PPP2R2C: variants seen among roughly 807,000 people sequenced by gnomAD.
The protein encoded by PPP2R2C is protein phosphatase 2 regulatory subunit Bgamma, also known as protein phosphatase 2, regulatory subunit B, gamma.
In PPP2R2C, 10 loss-of-function variants were observed where a neutral mutation model predicts 45.3. That is an observed-to-expected ratio of 0.22 (90% CI 0.14 to 0.37). PPP2R2C has a LOEUF of 0.37. Among genes scored for constraint, PPP2R2C ranks in the 10% least tolerant of loss-of-function variants. The pLI is 1.00. For synonymous variants in PPP2R2C, 257 were observed against 245.4 expected (o/e 1.05, Z -0.44); for missense variants, 308 against 619.7 (o/e 0.50, Z 5.34).
intron 1 of PPP2R2C, among the ~76,000 whole-genome samples, chr4:6,393,429 T>C (rs1208013506): frequency 6.6e-6 from 1 of 152,258 alleles, no homozygotes; most frequent in Non-Finnish European, 1.5e-5. Flanking sequence ...CAGTACATCA[T>C]TCCTTTTCCA....
intron 1 of PPP2R2C, among the ~76,000 whole-genome samples, chr4:6,399,471 C>A (rs7671369): frequency 6.6e-6 from 1 of 152,112 alleles, no homozygotes; most frequent in Non-Finnish European, 1.5e-5. Context: ...CACAAGTTCA[C>A]CCATCCAGAT....
chr4:6,458,345 A>G (rs1721149032), intron 1 of PPP2R2C, among the ~76,000 whole-genome samples: 1 of 152,220 alleles, frequency 6.6e-6, no homozygotes, highest in Non-Finnish European at 1.5e-5. Flanking sequence ...CTGGAAGTCC[A>G]AGATCAAGGC....
chr4:6,384,103 C>A, intron 1 of PPP2R2C: 4 of 985,432 alleles, frequency 4.1e-6, no homozygotes, highest in Non-Finnish European at 4.8e-6. Flanking sequence ...GGGTCAGGTC[C>A]CAGCTGTCCT....
intron 2 of PPP2R2C, among the ~76,000 whole-genome samples, chr4:6,511,516 G>A (rs1353406153): frequency 1.2e-3 from 21 of 18,024 alleles, no homozygotes; most frequent in African/African-American, 2.1e-3. Flanking sequence ...GGTGGTGGTG[G>A]TGGTGGTGAT....
chr4:6,405,718 GACA>G (rs1717751132), intron 1 of PPP2R2C, among the ~76,000 whole-genome samples: 2 of 152,264 alleles, frequency 1.3e-5, no homozygotes, highest in Admixed American at 1.3e-4. Context: ...ATGCTGACAT[GACA>G]ACATCACGAA....
intron 1 of PPP2R2C, among the ~76,000 whole-genome samples, chr4:6,540,393 G>A (rs566494651): frequency 1.1e-4 from 16 of 152,178 alleles, no homozygotes; most frequent in South Asian, 2.1e-4. Context: ...ATGTTGTAGC[G>A]TGTGGCAGGG....
chr4:6,405,839 G>A (rs564539000), intron 1 of PPP2R2C, among the ~76,000 whole-genome samples: 4 of 152,178 alleles, frequency 2.6e-5, no homozygotes, highest in Non-Finnish European at 5.9e-5. Flanking sequence ...ACGGCTTCGC[G>A]GAGGGGCAGG....
At chr4:6,494,316 T>C (rs988383527) in intron 2 of PPP2R2C, among the ~76,000 whole-genome samples, 29 of 152,208 alleles carry the variant, frequency 1.9e-4, no homozygotes, top group African/African-American at 7.0e-4. Flanking sequence ...TGGGTTAATA[T>C]GGGTGTGAAG....
intron 1 of PPP2R2C, among the ~76,000 whole-genome samples, chr4:6,462,100 G>T (rs113120398): frequency 6.6e-6 from 1 of 152,248 alleles, no homozygotes; most frequent in Non-Finnish European, 1.5e-5. Context: ...GCAGAAAGGG[G>T]TCCTGGAGGA....
intron 2 of PPP2R2C, among the ~76,000 whole-genome samples, chr4:6,520,261 A>G (rs1723974791): frequency 1.3e-5 from 2 of 152,144 alleles, no homozygotes; most frequent in African/African-American, 4.8e-5. Context: ...GTGGACACTC[A>G]GCAAGCGGGG....
At chr4:6,551,327 G>C (rs1289325987) in intron 1 of PPP2R2C, among the ~76,000 whole-genome samples, 1 of 152,192 alleles carries the variant, frequency 6.6e-6, no homozygotes, top group Non-Finnish European at 1.5e-5. Flanking sequence ...TGGGTGCTCA[G>C]GTGATATTTG....
At chr4:6,325,336 C>T (rs1731856205) in intron 8 of PPP2R2C, among the ~76,000 whole-genome samples, 1 of 152,108 alleles carries the variant, frequency 6.6e-6, no homozygotes, top group East Asian at 1.9e-4. Context: ...TGACCAAAGC[C>T]GCACCCGCTT....
chr4:6,434,691 A>G (rs564534043), intron 1 of PPP2R2C, among the ~76,000 whole-genome samples: 35 of 152,324 alleles, frequency 2.3e-4, no homozygotes, highest in African/African-American at 7.2e-4. Context: ...GACAAGGATT[A>G]GAAGTGAAAT....
At chr4:6,460,515 G>A (rs1721269071) in intron 1 of PPP2R2C, among the ~76,000 whole-genome samples, 1 of 152,108 alleles carries the variant, frequency 6.6e-6, no homozygotes. Flanking sequence ...AAGAAAATGG[G>A]CTGTGTTATT....
At chr4:6,413,968 C>T in intron 1 of PPP2R2C, 1 of 1,535,962 alleles carries the variant, frequency 6.5e-7, no homozygotes, top group Non-Finnish European at 8.7e-7. Context: ...TCCCTGGTGG[C>T]TCTGCAGTTG....
At chr4:6,398,754 G>A (rs1348811156) in intron 1 of PPP2R2C, among the ~76,000 whole-genome samples, 2 of 152,172 alleles carry the variant, frequency 1.3e-5, no homozygotes, top group Non-Finnish European at 2.9e-5. Context: ...GTAACCAAGA[G>A]TCACGAAAGC....
intron 1 of PPP2R2C, among the ~76,000 whole-genome samples, chr4:6,459,087 G>C (rs534246220): frequency 4.5e-4 from 69 of 152,196 alleles, no homozygotes; most frequent in Non-Finnish European, 6.3e-4. Flanking sequence ...AAACTTAATG[G>C]CTTCAAGCAG....
At chr4:6,495,284 T>C (rs1224132068) in intron 2 of PPP2R2C, among the ~76,000 whole-genome samples, 2 of 152,180 alleles carry the variant, frequency 1.3e-5, no homozygotes, top group Admixed American at 6.5e-5. Context: ...GGGAATGCCA[T>C]ATGGCTATCG....
At chr4:6,373,774 C>G (rs1342567537) in intron 4 of PPP2R2C, among the ~76,000 whole-genome samples, 1 of 152,178 alleles carries the variant, frequency 6.6e-6, no homozygotes, top group Non-Finnish European at 1.5e-5. Flanking sequence ...TTAAATTTTC[C>G]CACACACCAG....
Sources: gnomAD v4.1 joint callset for allele counts (sites outside exome capture counted in the v4.1 genomes callset) on GRCh38, gnomAD v4.1.1 for gene constraint, MANE v1.5 for transcripts, NCBI Gene and HGNC (gene_info 2026-07-23, HGNC 2026-07-21) for gene names.